The following MCUB variants were observed in gnomAD, a reference collection of about 807,000 sequenced individuals.
The protein encoded by MCUB is mitochondrial calcium uniporter dominant negative subunit beta.
A neutral mutation model predicts 41.4 loss-of-function variants in MCUB; 46 were observed. The ratio of observed to expected loss-of-function variants is 1.11; its 90% CI spans 0.88 to 1.42. The LOEUF is 1.42. MCUB is among the 40% of genes most tolerant of loss of function. MCUB has a pLI of 0.00. For missense variants in MCUB, 403 were observed against 404.9 expected, an observed-to-expected ratio of 1.00 and a Z score of 0.04; for synonymous variants, 148 against 148.2, an observed-to-expected ratio of 1.00 and a Z score of 0.01.
chr4:109,576,431 TAA>T, intron 1 of MCUB, among the ~76,000 whole-genome samples: 1 of 146,394 alleles, frequency 6.8e-6, no homozygotes. Flanking sequence ...GAACAGGGAA[TAA>T]AAATGCAAAT....
In MCUB at chr4:109,688,566, A is replaced by T. The variant is rs1253616071; in HGVS notation, c.*974A>T. The T allele has an allele frequency of 2.6e-5, 4 of 152,236 alleles. No homozygotes were observed. Among genetic ancestry groups the T allele is most frequent in the Non-Finnish European group, 5.9e-5 (4 of 68,036 alleles). 9.4% of individuals were successfully genotyped at this position (152,236 alleles called of 1,614,324 possible). ...ATATTAAACATTTAAATGACCGAGT[A>T]AAAAACATCTATCAATTACACAAAT... On this transcript the variant is annotated 3_prime_UTR_variant, in exon 8 of 8. Coordinates refer to ENST00000394650, the MANE Select transcript of MCUB (RefSeq NM_017918.5).
intron 4 of MCUB, among the ~76,000 whole-genome samples, chr4:109,675,368 T>C (rs1445836524): frequency 1.3e-5 from 2 of 152,234 alleles, no homozygotes; most frequent in African/African-American, 4.8e-5. Flanking sequence ...CTATAAAAAC[T>C]GTAAACTCTC....
At chr4:109,563,099 C>T (rs1170740074) in intron 1 of MCUB, among the ~76,000 whole-genome samples, 1 of 152,204 alleles carries the variant, frequency 6.6e-6, no homozygotes, top group East Asian at 1.9e-4. Context: ...TTTCTGTGCA[C>T]AAAGACTCAG....
At chr4:109,627,463 G>A (rs142482089) in intron 1 of MCUB, among the ~76,000 whole-genome samples, 147 of 152,292 alleles carry the variant, frequency 9.7e-4, no homozygotes, top group East Asian at 7.5e-3. Flanking sequence ...TGCTCCCATA[G>A]CAGTTTTTCA....
At chr4:109,566,786 G>T (rs1372942581) in intron 1 of MCUB, among the ~76,000 whole-genome samples, 1 of 152,190 alleles carries the variant, frequency 6.6e-6, no homozygotes, top group African/African-American at 2.4e-5. Context: ...GTAGGGCCAG[G>T]TTGGCAGGCA....
chr4:109,682,594 A>G lies in MCUB; in HGVS notation c.464A>G (p.Asn155Ser). Residue 155 changes from asparagine (N) to serine (S), a missense_variant, in exon 5 of 8, where the codon AAT becomes AGT. Physicochemically the swap from Asn to Ser is conservative, Grantham distance 46. Transcript: ENST00000394650. Reference sequence around the variant, plus strand: ...TGTCTTTTCTCAGAAAAACCAAGTAATGAGCACACTGCTGAGATGGAACAC... The same window carrying G: ...TGTCTTTTCTCAGAAAAACCAAGTAGTGAGCACACTGCTGAGATGGAACAC... ...VQCPKREKPS[N>S]EHTAEMEHMK... The G allele has an allele frequency of 1.2e-6, 2 of 1,608,646 alleles. No individual in the cohort carries two copies. The highest frequency in any genetic ancestry group is 1.7e-6 in the Non-Finnish European group (2 of 1,178,058).
chr4:109,580,650 A>C (rs532833372), intron 1 of MCUB, among the ~76,000 whole-genome samples: 2 of 152,020 alleles, frequency 1.3e-5, no homozygotes, highest in Non-Finnish European at 2.9e-5. Context: ...GCATTTTTTC[A>C]TGTGTCTGTT....
intron 1 of MCUB, among the ~76,000 whole-genome samples, chr4:109,654,391 A>T (rs1175036198): frequency 6.6e-6 from 1 of 152,030 alleles, no homozygotes; most frequent in African/African-American, 2.4e-5. Flanking sequence ...CAGGCAGATC[A>T]TTTGAGGTCA....
intron 1 of MCUB, among the ~76,000 whole-genome samples, chr4:109,562,246 C>T (rs1231716633): frequency 1.3e-5 from 2 of 152,066 alleles, no homozygotes; most frequent in Admixed American, 1.3e-4. Context: ...TACCATCGGG[C>T]TTATTAGGCC....
At chr4:109,628,631 G>A (rs1382387495) in intron 1 of MCUB, among the ~76,000 whole-genome samples, 1 of 152,210 alleles carries the variant, frequency 6.6e-6, no homozygotes, top group Non-Finnish European at 1.5e-5. Flanking sequence ...GGGATTGTAT[G>A]TTTGAAAGAG....
intron 1 of MCUB, among the ~76,000 whole-genome samples, chr4:109,616,738 T>C (rs1038064439): frequency 2.6e-5 from 4 of 152,194 alleles, no homozygotes; most frequent in Non-Finnish European, 4.4e-5. Flanking sequence ...ATCTTCTCTG[T>C]GTACAAGCAT....
At chr4:109,613,210 G>A (rs1728056597) in intron 1 of MCUB, among the ~76,000 whole-genome samples, 1 of 152,136 alleles carries the variant, frequency 6.6e-6, no homozygotes, top group Non-Finnish European at 1.5e-5. Context: ...GTAGAAAGTA[G>A]AGGGACAAAT....
intron 1 of MCUB, among the ~76,000 whole-genome samples, chr4:109,643,856 A>G (rs1373215393): frequency 6.6e-6 from 1 of 152,224 alleles, no homozygotes; most frequent in Non-Finnish European, 1.5e-5. Context: ...GTACATTGCT[A>G]CGGCAGCCCT....
intron 1 of MCUB, among the ~76,000 whole-genome samples, chr4:109,636,824 G>A (rs1728606730): frequency 6.6e-6 from 1 of 152,172 alleles, no homozygotes; most frequent in Non-Finnish European, 1.5e-5. Flanking sequence ...GACGGAGTGA[G>A]ACTCCATCTC....
At chr4:109,620,540 C>T (rs1002443211) in intron 1 of MCUB, among the ~76,000 whole-genome samples, 3 of 149,848 alleles carry the variant, frequency 2.0e-5, no homozygotes, top group Non-Finnish European at 4.4e-5. Context: ...AGAAGATAAG[C>T]GTTTGCTGAG....
At chr4:109,657,218 CA>C (rs56707630) in intron 1 of MCUB, among the ~76,000 whole-genome samples, 27,558 of 110,926 alleles carry the variant, frequency 0.25, 2,168 homozygotes, top group South Asian at 0.3. Flanking sequence ...TATTCCATCT[CA>C]AAAAAAAAAA....
intron 1 of MCUB, among the ~76,000 whole-genome samples, chr4:109,613,777 T>C (rs1728069130): frequency 6.6e-6 from 1 of 152,146 alleles, no homozygotes. Flanking sequence ...CTTAAAAAAA[T>C]TAAAGTATTT....
At chr4:109,670,640 C>T (rs764324780) in intron 4 of MCUB, among the ~76,000 whole-genome samples, 4 of 151,532 alleles carry the variant, frequency 2.6e-5, no homozygotes, top group South Asian at 2.1e-4. Context: ...CGCTTGAACC[C>T]GGAAGGCGGA....
At chr4:109,588,671 A>C (rs977216709) in intron 1 of MCUB, among the ~76,000 whole-genome samples, 2 of 152,172 alleles carry the variant, frequency 1.3e-5, no homozygotes, top group African/African-American at 4.8e-5. Flanking sequence ...ATCAGCAAAA[A>C]TTTCTCTCCT....
Sources: allele counts gnomAD v4.1 joint callset (sites outside exome capture counted in the v4.1 genomes callset), GRCh38; gene constraint gnomAD v4.1.1; transcripts MANE v1.5; gene names NCBI Gene and HGNC (gene_info 2026-07-23, HGNC 2026-07-21).